Variants in TPRG1 observed in about 807,000 individuals in gnomAD.
TPRG1 encodes the protein tumor protein p63 regulated 1.
In TPRG1, 29 loss-of-function variants were observed where a neutral mutation model predicts 29.3. The ratio of observed to expected loss-of-function variants is 0.99; its 90% CI spans 0.74 to 1.35. The LOEUF (loss-of-function observed/expected upper bound fraction) is 1.35. Ranked by LOEUF, TPRG1 falls within the 40% of genes most tolerant of loss-of-function variation. The pLI, the probability that TPRG1 is intolerant of heterozygous loss-of-function variation, is 0.00. For synonymous variants in TPRG1, 130 were observed against 116.8 expected, an observed-to-expected ratio of 1.11 and a Z score of -0.73; for missense variants, 327 against 335.0, an observed-to-expected ratio of 0.98 and a Z score of 0.19.
chr3:189,000,385 T>C (rs1241998271), intron 1 of TPRG1, among the ~76,000 whole-genome samples: 1 of 152,118 alleles, frequency 6.6e-6, no homozygotes, highest in African/African-American at 2.4e-5. Context: ...ACCATAGATA[T>C]TATGATATAA....
intron 1 of TPRG1, among the ~76,000 whole-genome samples, chr3:189,206,458 C>T (rs1734382608): frequency 1.3e-5 from 2 of 149,196 alleles, no homozygotes; most frequent in Non-Finnish European, 3.0e-5. Flanking sequence ...TATATATAAC[C>T]TGGTATATTT....
In TPRG1 at chr3:189,215,777, A is replaced by G. The variant is rs139485845; in HGVS notation, c.302+394A>G. ...ATGGAAAGAAAGTCTGGGAAAGAAT[A>G]TAGATAAAATCAACATATATACTTT... On this transcript the variant is annotated intron_variant, in intron 3 of 5. Transcript: ENST00000345063. Among the ~76,000 whole-genome samples, 1,038 of 152,362 alleles carry G rather than the reference A, an allele frequency of 6.8e-3. 14 individuals carry two copies. Among genetic ancestry groups the G allele is most frequent in the Non-Finnish European group, 7.6e-3 (516 of 68,030 alleles).
chr3:189,176,735 C>A (rs1474575457), intron 1 of TPRG1, among the ~76,000 whole-genome samples: 1 of 152,144 alleles, frequency 6.6e-6, no homozygotes, highest in Non-Finnish European at 1.5e-5. Context: ...GGCCTTGAAG[C>A]AAGAGCTTGC....
intron 3 of TPRG1, among the ~76,000 whole-genome samples, chr3:189,015,507 A>G (rs1383100767): frequency 6.6e-6 from 1 of 152,228 alleles, no homozygotes; most frequent in Non-Finnish European, 1.5e-5. Context: ...CCAAATGTTA[A>G]TAGCCAAGAC....
At chr3:189,019,056 G>C (rs554987582) in intron 3 of TPRG1, among the ~76,000 whole-genome samples, 5,808 of 151,976 alleles carry the variant, frequency 0.038, 364 homozygotes, top group African/African-American at 0.13. Flanking sequence ...GTATAAGAAT[G>C]CTTGTGATTT....
At chr3:189,055,458 AG>A (rs938575519) in intron 4 of TPRG1, among the ~76,000 whole-genome samples, 8 of 152,212 alleles carry the variant, frequency 5.3e-5, no homozygotes, top group Non-Finnish European at 1.2e-4. Context: ...TCTGATTCAC[AG>A]GGAAGTTTTG....
At chr3:189,225,349 T>C (rs1737569563) in intron 3 of TPRG1, among the ~76,000 whole-genome samples, 2 of 152,202 alleles carry the variant, frequency 1.3e-5, no homozygotes, top group Admixed American at 1.3e-4. Flanking sequence ...TTAGAACTTG[T>C]TTAATATTTA....
At chr3:189,198,289 C>T (rs745578078) in intron 1 of TPRG1, among the ~76,000 whole-genome samples, 12 of 152,146 alleles carry the variant, frequency 7.9e-5, no homozygotes, top group South Asian at 2.1e-4. Context: ...TTCCCACACT[C>T]GCATTCCCCT....
chr3:189,204,782 A>G (rs1404552220), intron 1 of TPRG1, among the ~76,000 whole-genome samples: 1 of 152,154 alleles, frequency 6.6e-6, no homozygotes, highest in East Asian at 1.9e-4. Flanking sequence ...CTTCCTTCAC[A>G]GGTTATAGAG....
chr3:189,254,280 C>G (rs1742719647), intron 4 of TPRG1, among the ~76,000 whole-genome samples: 1 of 152,180 alleles, frequency 6.6e-6, no homozygotes, highest in African/African-American at 2.4e-5. Context: ...AATAGGGAAT[C>G]CTTTCCCCAT....
At chr3:189,206,050 T>TCCTTCCTTCCTTC (rs750321003) in intron 1 of TPRG1, among the ~76,000 whole-genome samples, 8 of 147,882 alleles carry the variant, frequency 5.4e-5, no homozygotes, top group South Asian at 2.2e-4. Context: ...CTTCCTTTCT[T>TCCTTCCTTCCTTC]CTGTCTTTCT....
In TPRG1 at chr3:189,294,590, G is replaced by A. The variant is rs140103754; in HGVS notation, c.480-15796G>A. Among the ~76,000 whole-genome samples, 1,428 of 152,254 alleles carry A rather than the reference G, an allele frequency of 9.4e-3. 8 individuals are homozygous for A. Among genetic ancestry groups the A allele is most frequent in the Non-Finnish European group, 0.017 (1,128 of 68,004 alleles). On this transcript the variant is annotated intron_variant, in intron 4 of 5. Transcript: ENST00000345063. ...CCTTTAGAGAGGTGGTAAGTGGGGT[G>A]TGTATCGCAGGGGGAAATACACAGG...
At chr3:188,997,369 T>G (rs1711871674) in intron 1 of TPRG1, among the ~76,000 whole-genome samples, 1 of 152,196 alleles carries the variant, frequency 6.6e-6, no homozygotes, top group Non-Finnish European at 1.5e-5. Flanking sequence ...GCTGGCTCCA[T>G]CAGATGGTCC....
intron 1 of TPRG1, among the ~76,000 whole-genome samples, chr3:189,175,172 A>G (rs1378407907): frequency 6.6e-6 from 1 of 152,346 alleles, no homozygotes; most frequent in East Asian, 1.9e-4. Flanking sequence ...CAAGACGAAG[A>G]AGAAAGCAAA....
At chr3:189,158,809 C>T (rs1053937863) in intron 5 of TPRG1, among the ~76,000 whole-genome samples, 1 of 152,072 alleles carries the variant, frequency 6.6e-6, no homozygotes, top group African/African-American at 2.4e-5. Context: ...TTTTGCACTC[C>T]CTCATCCGAA....
At chr3:189,304,501 A>C (rs550339217) in intron 4 of TPRG1, among the ~76,000 whole-genome samples, 1 of 152,290 alleles carries the variant, frequency 6.6e-6, no homozygotes, top group East Asian at 1.9e-4. Context: ...AAGGCCCTGG[A>C]AACTTCTGGG....
intron 4 of TPRG1, among the ~76,000 whole-genome samples, chr3:189,030,112 G>C (rs1384822690): frequency 6.6e-6 from 1 of 152,128 alleles, no homozygotes; most frequent in Non-Finnish European, 1.5e-5. Context: ...GAACATTTCT[G>C]ATGTTTTTTT....
intron 4 of TPRG1, among the ~76,000 whole-genome samples, chr3:189,032,801 T>G (rs1246964635): frequency 2.3e-5 from 3 of 130,696 alleles, no homozygotes; most frequent in Admixed American, 9.1e-5. Flanking sequence ...CCTGTGTCCA[T>G]GTGTTCTCAT....
chr3:189,153,672 G>A (rs561979322), intron 5 of TPRG1, among the ~76,000 whole-genome samples: 50 of 152,308 alleles, frequency 3.3e-4, no homozygotes, highest in African/African-American at 1.2e-3. Context: ...TATCCAGCTG[G>A]CAAATGGGAT....
Sources: gnomAD v4.1 joint callset for allele counts (sites outside exome capture counted in the v4.1 genomes callset) on GRCh38, gnomAD v4.1.1 for gene constraint, MANE v1.5 for transcripts, NCBI Gene and HGNC (gene_info 2026-07-23, HGNC 2026-07-21) for gene names.